FAT1: variants seen among roughly 807,000 people sequenced by gnomAD.
FAT1 encodes protocadherin Fat 1.
In FAT1, 171 loss-of-function variants were observed where a neutral mutation model predicts 329.8. The ratio of observed to expected loss-of-function variants is 0.52; its 90% CI spans 0.46 to 0.59. The LOEUF (loss-of-function observed/expected upper bound fraction) is 0.59. FAT1 is among the 20% of genes least tolerant of loss of function. The pLI is 0.00. For missense variants in FAT1, 5,672 were observed against 5,774.4 expected (o/e 0.98, Z 0.57); for synonymous variants, 2,233 against 2,228.6 (o/e 1.00, Z -0.06).
chr4:186,607,150 A>G (rs1272559009), intron 16 of FAT1, among the ~76,000 whole-genome samples: 2 of 152,126 alleles, frequency 1.3e-5, no homozygotes, highest in Non-Finnish European at 2.9e-5. Context: ...TCTCATCACT[A>G]TCTCCCCCCA....
At chr4:186,651,392 G>C (rs562349522) in intron 3 of FAT1, among the ~76,000 whole-genome samples, 3 of 152,276 alleles carry the variant, frequency 2.0e-5, no homozygotes, top group East Asian at 3.9e-4. Context: ...GTGGACAGAA[G>C]GCGCAAGTGA....
chr4:186,683,981 A>T (rs928750271), intron 2 of FAT1, among the ~76,000 whole-genome samples: 1 of 131,232 alleles, frequency 7.6e-6, no homozygotes, highest in Non-Finnish European at 1.7e-5. Flanking sequence ...AAACAGTAAG[A>T]TTGCTACTTC....
chr4:186,653,848 C>T (rs1741780900), intron 3 of FAT1, among the ~76,000 whole-genome samples: 1 of 152,124 alleles, frequency 6.6e-6, no homozygotes. Flanking sequence ...CCAAAAGCCC[C>T]GTGTGGCCCT....
chr4:186,609,401 C>T (rs1739290004), intron 15 of FAT1, 81 bp from the exon 16 acceptor site: 2 of 1,474,234 alleles, frequency 1.4e-6, no homozygotes, highest in South Asian at 2.7e-5. Flanking sequence ...ATATTAATAG[C>T]TTAGCTGTTT....
chr4:186,620,152 G>T lies in FAT1; in HGVS notation c.6434C>A (p.Thr2145Asn), dbSNP rs376279669. 1 of 1,614,016 alleles carries T rather than the reference G, an allele frequency of 6.2e-7. No homozygotes were observed. The highest frequency in any genetic ancestry group is 1.7e-5 in the Admixed American group (1 of 60,024). ...TGTAACAAGATATTCTTTATTTAAG[G>T]TGTCAAGCTCAAATTGCTTTTTCAG... ...ISLKKQFELDTLNKEYLVTVV... is the reference protein window; with the variant it reads ...ISLKKQFELDNLNKEYLVTVV... The change falls in exon 10 of 27, where the codon ACC becomes AAC. Residue 2145 changes from threonine to asparagine, a missense_variant. Around this residue, in one of 2 missense-constraint regions of FAT1, gnomAD observed 3,966 missense variants for 3,915.2 expected, o/e 1.01. Coordinates refer to ENST00000441802, the MANE Select transcript of FAT1 (RefSeq NM_005245.4).
intron 3 of FAT1, among the ~76,000 whole-genome samples, chr4:186,652,541 A>C (rs1243847819): frequency 6.6e-6 from 1 of 152,222 alleles, no homozygotes. Context: ...ATTTTATAAA[A>C]TAATAATGAG....
At chr4:186,636,312 G>T in intron 5 of FAT1, 77 bp from the exon 6 acceptor site, 1 of 1,377,344 alleles carries the variant, frequency 7.3e-7, no homozygotes, top group Non-Finnish European at 1.0e-6. Flanking sequence ...GCACAGACTG[G>T]TTTGGTCTTA....
intron 3 of FAT1, among the ~76,000 whole-genome samples, chr4:186,643,734 G>A (rs1247590530): frequency 2.0e-5 from 3 of 151,960 alleles, no homozygotes; most frequent in Admixed American, 6.5e-5. Flanking sequence ...TCTACCGAGT[G>A]TGTTCTGTGT....
chr4:186,599,106 G>C (rs572155494), intron 22 of FAT1, among the ~76,000 whole-genome samples: 1 of 152,298 alleles, frequency 6.6e-6, no homozygotes, highest in East Asian at 1.9e-4. Flanking sequence ...GTGACAAAAT[G>C]AGGACGGCCT....
At chr4:186,649,709 A>T (rs1265468489) in intron 3 of FAT1, among the ~76,000 whole-genome samples, 1 of 152,132 alleles carries the variant, frequency 6.6e-6, no homozygotes, top group Non-Finnish European at 1.5e-5. Context: ...CCTGGAATTC[A>T]AACTCCTGGC....
rs557888450 is a variant in FAT1, at chr4:186,671,638, G to A, written c.3266-8025C>T. Among the ~76,000 whole-genome samples, 167 of 152,104 alleles carry A rather than the reference G, an allele frequency of 1.1e-3. 1 individual carries two copies. The highest frequency in any genetic ancestry group is 1.8e-3 in the Non-Finnish European group (120 of 67,996). On this transcript the variant is annotated intron_variant, in intron 2 of 26. Coordinates refer to ENST00000441802, the MANE Select transcript of FAT1 (RefSeq NM_005245.4). ...CACTTGAACCCAGGAGGTGGAGGTT[G>A]CGGTGAGCCAAGACGTGTCATTGCA...
chr4:186,604,484 C>A lies in FAT1; in HGVS notation c.10441G>T (p.Val3481Leu), dbSNP rs2126439203. Reference sequence around the variant, plus strand: ...AAAGCCTTCTCATCATTTCCAGTTACAATAGTAAAGAAGAAGGGTGGACCG... The same window carrying A: ...AAAGCCTTCTCATCATTTCCAGTTAAAATAGTAAAGAAGAAGGGTGGACCG... ...HNGPPFFFTI[V>L]TGNDEKAFEV... Residue 3481 changes from valine (V) to leucine (L), a missense_variant, in exon 18 of 27, where the codon GTA becomes TTA. This residue lies in a region of FAT1 where 1,706 missense variants were observed against 1,859.1 expected (regional missense o/e 0.92). Transcript: ENST00000441802. 1 of 1,613,872 alleles carries A rather than the reference C, an allele frequency of 6.2e-7. No homozygotes were observed. The highest frequency in any genetic ancestry group is 8.5e-7 in the Non-Finnish European group (1 of 1,179,810).
chr4:186,722,824 T>A (rs1319673595), intron 1 of FAT1, among the ~76,000 whole-genome samples: 10 of 151,820 alleles, frequency 6.6e-5, no homozygotes, highest in Admixed American at 6.6e-4. Flanking sequence ...TATCCACTTT[T>A]AAAAAATCGC....
At position 186,628,729 on chromosome 4, in the gene FAT1, C is replaced by T. The variant is rs186220887; in HGVS notation, c.4358G>A (p.Arg1453His). ...ATACTTTGATGTAGAAAACTGAGGA[C>T]GATGGTCATTTGTGTCTATTACTTT... ...FIKVIDTNDH[R>H]PQFSTSKYEV... The change falls in exon 8 of 27, where the codon CGT becomes CAT. Residue 1453 changes from arginine (R) to histidine (H), a missense_variant. Physicochemically the swap from Arg to His is conservative, Grantham distance 29. Coordinates refer to ENST00000441802, the MANE Select transcript of FAT1 (RefSeq NM_005245.4). 6.1e-4 allele frequency: 979 copies of T among 1,613,558 alleles called. 3 individuals are homozygous for T. The highest frequency in any genetic ancestry group is 1.4e-3 in the East Asian group (64 of 44,872).
intron 3 of FAT1, among the ~76,000 whole-genome samples, chr4:186,642,526 C>G (rs1741149396): frequency 6.6e-6 from 1 of 152,174 alleles, no homozygotes; most frequent in Admixed American, 6.5e-5. Context: ...GAGAGATAAA[C>G]TACTGTAAAC....
intron 26 of FAT1, 39 bp downstream of exon 26, chr4:186,595,650 G>A (rs1738463562): frequency 6.2e-7 from 1 of 1,608,764 alleles, no homozygotes; most frequent in Non-Finnish European, 8.5e-7. Context: ...AACACAACAA[G>A]CAAGCAAAGC....
At chr4:186,649,592 C>A (rs904000007) in intron 3 of FAT1, among the ~76,000 whole-genome samples, 2 of 152,122 alleles carry the variant, frequency 1.3e-5, no homozygotes, top group African/African-American at 4.8e-5. Context: ...ATGACAGATG[C>A]AGAGACTGGA....
At chr4:186,638,471 G>T (rs1740938379) in intron 4 of FAT1, among the ~76,000 whole-genome samples, 6 of 152,094 alleles carry the variant, frequency 3.9e-5, no homozygotes, top group Admixed American at 3.9e-4. Context: ...TCAAAACTTT[G>T]CTCTATCATA....
intron 2 of FAT1, among the ~76,000 whole-genome samples, chr4:186,689,766 C>T (rs1743660032): frequency 6.6e-6 from 1 of 152,196 alleles, no homozygotes; most frequent in Non-Finnish European, 1.5e-5. Flanking sequence ...CACTTCCTTT[C>T]CCACAAGGGC....
Sources: gnomAD v4.1 joint callset for allele counts (sites outside exome capture counted in the v4.1 genomes callset) on GRCh38, gnomAD v4.1.1 for gene constraint, gnomAD v4.1.1 regional missense constraint, MANE v1.5 for transcripts, NCBI Gene and HGNC (gene_info 2026-07-23, HGNC 2026-07-21) for gene names.